ABCA13: variants seen among roughly 807,000 people sequenced by gnomAD.
ABCA13 encodes ATP-binding cassette sub-family A member 13.
Under a neutral mutation model 478.7 loss-of-function variants are expected in ABCA13, and 476 were observed. The ratio of observed to expected loss-of-function variants is 0.99; its 90% CI spans 0.92 to 1.07. The LOEUF (loss-of-function observed/expected upper bound fraction) is 1.07. Ranked by LOEUF, ABCA13 falls within the 50% of genes least tolerant of loss-of-function variation. ABCA13 has a pLI of 0.00. For synonymous variants in ABCA13, 2,252 were observed against 2,158.9 expected (o/e 1.04, Z -1.20); for missense variants, 6,060 against 5,910.6 (o/e 1.03, Z -0.83).
chr7:48,282,299 C>T (rs1198158059), intron 19 of ABCA13, among the ~76,000 whole-genome samples: 1 of 152,194 alleles, frequency 6.6e-6, no homozygotes, highest in Non-Finnish European at 1.5e-5. Context: ...TTAGAGCACA[C>T]TTGAGTCCAT....
chr7:48,537,155 ATTTATCAAAC>A (rs1833638765), intron 55 of ABCA13, among the ~76,000 whole-genome samples: 1 of 152,122 alleles, frequency 6.6e-6, no homozygotes, highest in Admixed American at 6.6e-5. Flanking sequence ...TGCTTTTCAA[ATTTATCAAAC>A]TTTGTCATTC....
At chr7:48,486,432 A>G (rs1829305534) in intron 47 of ABCA13, among the ~76,000 whole-genome samples, 3 of 152,192 alleles carry the variant, frequency 2.0e-5, no homozygotes. Context: ...ACACTGTAAT[A>G]TGCGTCACCC....
chr7:48,347,928 G>A (rs1176499696), intron 29 of ABCA13, among the ~76,000 whole-genome samples: 1 of 152,230 alleles, frequency 6.6e-6, no homozygotes, highest in African/African-American at 2.4e-5. Context: ...CCATTGAGCA[G>A]ATGATTATCA....
At chr7:48,536,823 C>T (rs915800950) in intron 55 of ABCA13, among the ~76,000 whole-genome samples, 20 of 151,574 alleles carry the variant, frequency 1.3e-4, no homozygotes, top group Non-Finnish European at 1.5e-5. Context: ...ATTTCATATG[C>T]TAATAGTCTA....
At chr7:48,245,028 G>C (rs1307293808) in intron 11 of ABCA13, among the ~76,000 whole-genome samples, 6 of 152,164 alleles carry the variant, frequency 3.9e-5, no homozygotes, top group African/African-American at 1.4e-4. Context: ...GCTGGAAAGG[G>C]ACCAGAGTGC....
chr7:48,276,574 A>T lies in ABCA13; in HGVS notation c.6899+9A>T. On this transcript the variant is annotated intron_variant, in intron 17 of 61. Coordinates refer to ENST00000435803, the MANE Select transcript of ABCA13 (RefSeq NM_152701.5). ...GTTATTGCAGAGATGAGGTGAGTAT[A>T]CTTTTGCTTTGTGTCATATATGCAG... 6.2e-7 allele frequency: 1 copy of T among 1,608,250 alleles called. No individual in the cohort carries two copies. Among genetic ancestry groups the T allele is most frequent in the East Asian group, 2.2e-5 (1 of 44,734 alleles).
intron 27 of ABCA13, among the ~76,000 whole-genome samples, chr7:48,320,943 A>G (rs1003887890): frequency 3.3e-5 from 5 of 152,210 alleles, no homozygotes; most frequent in African/African-American, 1.2e-4. Flanking sequence ...AAAATACCAG[A>G]AATAATATTC....
chr7:48,178,165 TTA>T (rs1448059877), intron 1 of ABCA13, among the ~76,000 whole-genome samples: 1 of 152,170 alleles, frequency 6.6e-6, no homozygotes, highest in Non-Finnish European at 1.5e-5. Context: ...ACCTTTAATT[TTA>T]GCTTTATTTT....
At chr7:48,472,976 T>G (rs1387152013) in intron 45 of ABCA13, among the ~76,000 whole-genome samples, 1 of 152,196 alleles carries the variant, frequency 6.6e-6, no homozygotes, top group Non-Finnish European at 1.5e-5. Context: ...TCTACATGGC[T>G]GGGGAGGCCT....
intron 42 of ABCA13, among the ~76,000 whole-genome samples, chr7:48,441,399 C>T (rs1026703611): frequency 3.3e-5 from 5 of 152,190 alleles, no homozygotes; most frequent in Non-Finnish European, 5.9e-5. Flanking sequence ...GCTGCACCTG[C>T]CTATGGGCAC....
chr7:48,616,443 A>G (rs1792576730), intron 59 of ABCA13, among the ~76,000 whole-genome samples: 1 of 152,166 alleles, frequency 6.6e-6, no homozygotes, highest in Admixed American at 6.5e-5. Context: ...GAATGCCTAC[A>G]TAAAGTTTTA....
At chr7:48,532,535 T>C (rs1260121163) in intron 55 of ABCA13, among the ~76,000 whole-genome samples, 3 of 152,130 alleles carry the variant, frequency 2.0e-5, no homozygotes, top group Non-Finnish European at 4.4e-5. Context: ...TTAGGGAGGA[T>C]TCCCTCTTTC....
At position 48,298,361 on chromosome 7, in the gene ABCA13, T is replaced by A. The variant is rs1330617892; in HGVS notation, c.9200-5T>A. 3 of 1,603,202 alleles carry A rather than the reference T, an allele frequency of 1.9e-6. No individual in the cohort carries two copies. The highest frequency in any genetic ancestry group is 1.3e-5 in the African/African-American group (1 of 74,342). ...CACAAATTTCTTATTTTCCTTACTT[T>A]GCAGATGTAAAAATAAAAGATTTGA... On this transcript the variant is annotated splice_region_variant and splice_polypyrimidine_tract_variant and intron_variant, in intron 22 of 61. Coordinates refer to ENST00000435803, the MANE Select transcript of ABCA13 (RefSeq NM_152701.5).
chr7:48,182,190 T>C (rs993356993), intron 1 of ABCA13, among the ~76,000 whole-genome samples: 7 of 152,192 alleles, frequency 4.6e-5, no homozygotes, highest in Non-Finnish European at 1.0e-4. Context: ...TGTCCATAAA[T>C]ATGTATATTT....
chr7:48,425,933 A>G (rs13225221), intron 41 of ABCA13, among the ~76,000 whole-genome samples: 41,452 of 151,370 alleles, frequency 0.27, 5,813 homozygotes, highest in East Asian at 0.37. Context: ...AGTAGAGACG[A>G]GGTTTCACTG....
chr7:48,233,078 A>G (rs1789402401), intron 7 of ABCA13, among the ~76,000 whole-genome samples: 1 of 152,220 alleles, frequency 6.6e-6, no homozygotes, highest in Admixed American at 6.5e-5. Flanking sequence ...TCAGACTGGA[A>G]ACAAAAAATC....
At chr7:48,271,748 T>A in intron 16 of ABCA13, 39 bp from the exon 17 acceptor site, 6 of 1,171,390 alleles carry the variant, frequency 5.1e-6, no homozygotes, top group Non-Finnish European at 6.6e-6. Flanking sequence ...CAAATTTATT[T>A]TTTTATTTTA....
Position 48,367,812 on chromosome 7 carries a change from T to C in ABCA13, c.10707T>C (p.Gly3569=). The change falls in exon 32 of 62, where the codon GGT becomes GGC. Residue 3569 remains glycine, a synonymous_variant. Transcript: ENST00000435803. ...HTSDLFLNNV[G]FFFPLIMMLT... Reference sequence around the variant, plus strand: ...CTTACAGATTCCTGAACAACGTTGGTTTCTTTTTTCCACTGATAATGATGC... The same window carrying C: ...CTTACAGATTCCTGAACAACGTTGGCTTCTTTTTTCCACTGATAATGATGC... 1.3e-6 allele frequency: 2 copies of C among 1,568,464 alleles called. No individual in the cohort carries two copies. Among genetic ancestry groups the C allele is most frequent in the Non-Finnish European group, 1.7e-6 (2 of 1,155,268 alleles).
At chr7:48,505,619 G>T (rs1224749748) in intron 48 of ABCA13, among the ~76,000 whole-genome samples, 1 of 152,036 alleles carries the variant, frequency 6.6e-6, no homozygotes, top group Non-Finnish European at 1.5e-5. Flanking sequence ...AACCAATTAG[G>T]CAAAGGAAAT....
Sources: gnomAD v4.1 joint callset for allele counts (sites outside exome capture counted in the v4.1 genomes callset) on GRCh38, gnomAD v4.1.1 for gene constraint, MANE v1.5 for transcripts, NCBI Gene and HGNC (gene_info 2026-07-23, HGNC 2026-07-21) for gene names.